Variants in CD160 observed in about 807,000 individuals in gnomAD.
The protein encoded by CD160 is CD160 antigen.
In CD160, 11 loss-of-function variants were observed where a neutral mutation model predicts 19.2. The ratio of observed to expected loss-of-function variants is 0.57; its 90% confidence interval spans 0.36 to 0.95. The LOEUF is 0.95. Among genes scored for constraint, CD160 ranks in the 40% least tolerant of loss-of-function variants. The pLI is 0.01. For missense variants in CD160, 182 were observed against 213.2 expected (o/e 0.85, Z 0.91); for synonymous variants, 75 against 81.1 (o/e 0.93, Z 0.40).
intron 1 of CD160, among the ~76,000 whole-genome samples, chr1:145,723,476 ATTTAG>A (rs1404240554): frequency 2.6e-5 from 4 of 152,140 alleles, no homozygotes; most frequent in Non-Finnish European, 5.9e-5. Context: ...ATATACACTA[ATTTAG>A]TTTATTGTTT....
intron 2 of CD160, among the ~76,000 whole-genome samples, chr1:145,727,095 C>T (rs1215454357): frequency 1.3e-5 from 2 of 152,030 alleles, no homozygotes; most frequent in Non-Finnish European, 2.9e-5. Context: ...ATTTTAAATG[C>T]TGTGAATGTA....
chr1:145,728,305 TG>T lies in CD160; in HGVS notation c.-20del. Reference sequence around the variant, plus strand: ...AGAGCCAACATTTGCTTCAAGTTCCTGGGCCTGCTGACAGCGTGCAGGATGC... The same window carrying T: ...AGAGCCAACATTTGCTTCAAGTTCCTGGCCTGCTGACAGCGTGCAGGATGC... On this transcript the variant is annotated 5_prime_UTR_variant, in exon 3 of 6. Transcript: ENST00000369288. 6.3e-7 allele frequency: 1 copy of T among 1,599,072 alleles called. No individual in the cohort carries two copies. Among genetic ancestry groups the T allele is most frequent in the Non-Finnish European group, 8.6e-7 (1 of 1,168,574 alleles).
rs782562866 is a variant in CD160 at position 145,730,731 on chromosome 1, C to T, written c.74-13C>T. On this transcript the variant is annotated splice_polypyrimidine_tract_variant and intron_variant, in intron 3 of 5. Coordinates refer to ENST00000369288, the MANE Select transcript of CD160 (RefSeq NM_007053.4). ...TACCTGACCTCTGGGTAATTCTTCCCTTTCCATTCCAGGATGCATTAACAT... is the reference window on the plus strand; with the variant it reads ...TACCTGACCTCTGGGTAATTCTTCCTTTTCCATTCCAGGATGCATTAACAT... The T allele has an allele frequency of 1.2e-6, 2 of 1,605,802 alleles. No individual in the cohort carries two copies. The highest frequency in any genetic ancestry group is 2.7e-5 in the African/African-American group (2 of 74,832).
rs782398918 is a variant in CD160, at chr1:145,730,944, T to C, written c.274T>C (p.Ser92Pro). 6 of 1,613,936 alleles carry C rather than the reference T, an allele frequency of 3.7e-6. No individual in the cohort carries two copies. Among genetic ancestry groups the C allele is most frequent in the South Asian group, 1.1e-5 (1 of 91,076 alleles). Reference protein sequence around the residue: ...DPGIDGVGEISSQLMFTISQV... With the variant: ...DPGIDGVGEIPSQLMFTISQV... ...TGGGATAGATGGTGTTGGTGAAATATCATCTCAGTTGATGTTCACCATAAG... is the reference window on the plus strand; with the variant it reads ...TGGGATAGATGGTGTTGGTGAAATACCATCTCAGTTGATGTTCACCATAAG... The change falls in exon 4 of 6, where the codon TCA becomes CCA. Residue 92 changes from serine to proline, a missense_variant. Physicochemically the swap from Ser to Pro is moderately conservative, Grantham distance 74 (BLOSUM62 -1). Transcript: ENST00000369288.
chr1:145,720,446 G>A (rs782414249), intron 1 of CD160, among the ~76,000 whole-genome samples: 3 of 152,190 alleles, frequency 2.0e-5, no homozygotes, highest in Non-Finnish European at 4.4e-5. Context: ...TCAGACAAGA[G>A]CTTCAAGGGC....
chr1:145,732,962 G>A (rs1657353140), intron 4 of CD160, among the ~76,000 whole-genome samples: 1 of 152,130 alleles, frequency 6.6e-6, no homozygotes, highest in Non-Finnish European at 1.5e-5. Context: ...TCACTAGGAA[G>A]CAGCAATATG....
intron 2 of CD160, among the ~76,000 whole-genome samples, chr1:145,727,324 A>G (rs1043340420): frequency 8.2e-6 from 1 of 121,652 alleles, no homozygotes; most frequent in Non-Finnish European, 1.7e-5. Context: ...TGTCACATAG[A>G]TTAATTGAAA....
At chr1:145,729,295 G>T (rs890871388) in intron 3 of CD160, among the ~76,000 whole-genome samples, 2 of 152,170 alleles carry the variant, frequency 1.3e-5, no homozygotes, top group African/African-American at 4.8e-5. Context: ...TTTCATGAGA[G>T]TGAATTTAGT....
intron 2 of CD160, among the ~76,000 whole-genome samples, chr1:145,726,737 A>C (rs1195955385): frequency 6.6e-6 from 1 of 152,234 alleles, no homozygotes; most frequent in Admixed American, 6.5e-5. Context: ...TATTAAAAAA[A>C]AGATATAATG....
chr1:145,721,547 G>A (rs1553707795), intron 1 of CD160, among the ~76,000 whole-genome samples: 4 of 152,076 alleles, frequency 2.6e-5, no homozygotes. Context: ...CTCCAGCGGA[G>A]TGACCAGCTG....
chr1:145,733,930 C>T (rs587723600), intron 4 of CD160, among the ~76,000 whole-genome samples: 5 of 152,266 alleles, frequency 3.3e-5, no homozygotes, highest in East Asian at 1.9e-4. Flanking sequence ...TTTAATTAAA[C>T]GTTTAAACTA....
Position 145,738,491 on chromosome 1 carries a change from T to C in CD160, c.544T>C (p.Ter182GlnextTer27), listed in dbSNP as rs142734782. ...VTSLVALQAL[*>Q] ...TACAAACTTTCTTTCCACAGCTTTG[T>C]AAGCCTTGTGCCAAAAGAAACTTTT... The change falls in exon 6 of 6, where the codon TAA becomes CAA. Residue 182 changes from the stop codon to glutamine (Q), a stop_lost. Transcript: ENST00000369288. The C allele has an allele frequency of 2.1e-5, 28 of 1,324,116 alleles. No homozygotes were observed. Among genetic ancestry groups the C allele is most frequent in the African/African-American group, 4.5e-5 (3 of 66,560 alleles). 82.0% of individuals were successfully genotyped at this position (1,324,116 alleles called of 1,614,324 possible).
At chr1:145,728,966 T>C (rs587730020) in intron 3 of CD160, among the ~76,000 whole-genome samples, 2 of 152,252 alleles carry the variant, frequency 1.3e-5, no homozygotes, top group East Asian at 3.9e-4. Context: ...GAGATCCAGA[T>C]ACTGCAATCT....
chr1:145,725,547 C>T (rs1204061552), intron 2 of CD160, among the ~76,000 whole-genome samples: 1 of 152,058 alleles, frequency 6.6e-6, no homozygotes, highest in East Asian at 1.9e-4. Context: ...TAATGTAGAT[C>T]GCCATCTTAA....
chr1:145,730,304 A>G (rs1553708927), intron 3 of CD160, among the ~76,000 whole-genome samples: 1 of 152,178 alleles, frequency 6.6e-6, no homozygotes, highest in Non-Finnish European at 1.5e-5. Flanking sequence ...TGGGTGACAC[A>G]GCAAGACCTT....
chr1:145,721,059 G>A (rs1472426071), intron 1 of CD160, among the ~76,000 whole-genome samples: 2 of 152,200 alleles, frequency 1.3e-5, no homozygotes, highest in African/African-American at 2.4e-5. Flanking sequence ...TTTAAGAGGG[G>A]AGACCCGCCC....
At chr1:145,734,870 G>T (rs1264505680) in intron 4 of CD160, among the ~76,000 whole-genome samples, 17 of 152,344 alleles carry the variant, frequency 1.1e-4, no homozygotes, top group Non-Finnish European at 2.5e-4. Flanking sequence ...ACTTCAGGAG[G>T]CTGAGGCTGG....
At chr1:145,737,816 A>G (rs187068537) in intron 5 of CD160, 19 of 151,090 alleles carry the variant, frequency 1.3e-4, no homozygotes, top group Admixed American at 1.3e-3. Context: ...GAAGAGAATG[A>G]GCTTTTGAAT....
chr1:145,738,371 TAC>T (rs1657580360), intron 5 of CD160, 113 bp from the exon 6 acceptor site: 2 of 565,534 alleles, frequency 3.5e-6, no homozygotes, highest in Middle Eastern at 2.9e-4. Context: ...CCAATCCCTT[TAC>T]AGTCATGAGG....
Sources: allele counts gnomAD v4.1 joint callset (sites outside exome capture counted in the v4.1 genomes callset), GRCh38; gene constraint gnomAD v4.1.1; transcripts MANE v1.5; gene names NCBI Gene and HGNC (gene_info 2026-07-23, HGNC 2026-07-21).